The following JAKMIP3 variants were observed in gnomAD, a reference collection of about 807,000 sequenced individuals.
The protein encoded by JAKMIP3 is janus kinase and microtubule-interacting protein 3.
Under a neutral mutation model 118.5 loss-of-function variants are expected in JAKMIP3, and 58 were observed. The ratio of observed to expected loss-of-function variants is 0.49; its 90% CI spans 0.40 to 0.61. The LOEUF is 0.61. JAKMIP3 is among the 20% of genes least tolerant of loss of function. JAKMIP3 has a pLI of 0.00. For synonymous variants in JAKMIP3, 486 were observed against 451.2 expected, an observed-to-expected ratio of 1.08 and a Z score of -0.98; for missense variants, 950 against 1,109.0, an observed-to-expected ratio of 0.86 and a Z score of 2.04.
intron 19 of JAKMIP3, among the ~76,000 whole-genome samples, chr10:132,160,191 C>T (rs1366779512): frequency 4.5e-3 from 107 of 23,526 alleles, no homozygotes; most frequent in Non-Finnish European, 6.8e-3. Context: ...GCTGGGTGGG[C>T]CTCTCCCTGT....
At chr10:132,122,310 G>C (rs971905078) in intron 3 of JAKMIP3, among the ~76,000 whole-genome samples, 4 of 151,136 alleles carry the variant, frequency 2.6e-5, no homozygotes, top group Admixed American at 1.3e-4. Context: ...TCGGCTCCCC[G>C]GCTGTCGGGG....
rs1047751520 is a variant in JAKMIP3 at position 132,176,177 on chromosome 10, G to A, written c.*1104-6180G>A. Among the ~76,000 whole-genome samples, 15 of 152,228 alleles carry A rather than the reference G, an allele frequency of 9.9e-5. No individual in the cohort carries two copies. The South Asian group carries it at 1.4e-3, about 15-fold the overall frequency. On this transcript the variant is annotated intron_variant, in intron 23 of 23. Coordinates refer to ENST00000684848, the MANE Select transcript of JAKMIP3 (RefSeq NM_001323087.2). ...AGCTTCATCAGCCAGGGCTCCAGCCGCAAGAGGGAACGGGGAGGGACTCTG... is the reference window on the plus strand; with the variant it reads ...AGCTTCATCAGCCAGGGCTCCAGCCACAAGAGGGAACGGGGAGGGACTCTG...
chr10:132,106,115 G>A (rs1159566858), intron 2 of JAKMIP3, among the ~76,000 whole-genome samples: 1 of 152,122 alleles, frequency 6.6e-6, no homozygotes, highest in Non-Finnish European at 1.5e-5. Context: ...TGGGAGGATA[G>A]CTTGAGCCCA....
Position 132,179,375 on chromosome 10 carries a change from C to T in JAKMIP3, c.*1104-2982C>T, listed in dbSNP as rs1014754463. Among the ~76,000 whole-genome samples the T allele has an allele frequency of 3.3e-5, 5 of 152,194 alleles. No homozygotes were observed. Among genetic ancestry groups the T allele is most frequent in the Non-Finnish European group, 2.9e-5 (2 of 68,030 alleles). ...TATGCCTGAGCTCCCCACATCCTAC[C>T]TCTCTCCTGTCACTCGAAGCTCAGC... is the stretch of plus-strand genomic sequence containing the variant. On this transcript the variant is annotated intron_variant, in intron 23 of 23. Transcript: ENST00000684848. The surrounding 1 kb of genome is among the most constrained non-coding windows in gnomAD (Gnocchi z 4.3).
chr10:132,078,737 T>C (rs77459995), intron 1 of JAKMIP3, among the ~76,000 whole-genome samples: 23,508 of 152,148 alleles, frequency 0.15, 2,136 homozygotes, highest in East Asian at 0.33. Flanking sequence ...GACTAGAGAA[T>C]TGTTTTTCTG....
intron 1 of JAKMIP3, among the ~76,000 whole-genome samples, chr10:132,038,299 C>T (rs552407475): frequency 2.6e-5 from 4 of 152,308 alleles, no homozygotes; most frequent in African/African-American, 9.6e-5. Context: ...GTTTCTCACA[C>T]TCCAGGTGCC....
Position 132,138,324 on chromosome 10 carries a change from G to A in JAKMIP3, c.1344+146G>A, listed in dbSNP as rs188575993. 3.2e-3 allele frequency: 2,158 copies of A among 665,300 alleles called. 50 individuals carry two copies. The highest frequency in any genetic ancestry group is 9.0e-4 in the Non-Finnish European group (355 of 394,514). 41.2% of individuals were successfully genotyped at this position (665,300 alleles called of 1,614,324 possible). ...GCGCTGGGTGTGTGTGCCGAGGACC[G>A]CGCCCACGTGTGTGGAGAGTATGCC... On this transcript the variant is annotated intron_variant, in intron 9 of 23. Transcript: ENST00000684848.
chr10:132,164,457 T>A (rs2058691391), intron 20 of JAKMIP3, among the ~76,000 whole-genome samples: 1 of 152,200 alleles, frequency 6.6e-6, no homozygotes, highest in South Asian at 2.1e-4. Flanking sequence ...AGGATATTGT[T>A]CCCACCACGG....
chr10:132,061,419 C>T (rs934759568), upstream of JAKMIP3, among the ~76,000 whole-genome samples: 9 of 152,224 alleles, frequency 5.9e-5, no homozygotes, highest in Non-Finnish European at 7.3e-5. Context: ...AACTAGCCTA[C>T]GTTCACAGGC....
intron 2 of JAKMIP3, among the ~76,000 whole-genome samples, chr10:132,109,147 TAC>T (rs988763342): frequency 1.5e-5 from 2 of 131,718 alleles, no homozygotes; most frequent in African/African-American, 3.0e-5. Flanking sequence ...TATATATATA[TAC>T]ACACACATAT....
At chr10:132,065,230 G>A (rs947985076), upstream of JAKMIP3, among the ~76,000 whole-genome samples, 1 of 152,056 alleles carries the variant, frequency 6.6e-6, no homozygotes, top group African/African-American at 2.4e-5. This position sits in a 1 kb window ranked among gnomAD's most constrained non-coding sequence, Gnocchi z 5.6. Flanking sequence ...TCTACAGAGC[G>A]GCTGTCACAC....
chr10:132,117,340 C>G lies in JAKMIP3; in HGVS notation c.399C>G (p.Thr133=), dbSNP rs200538281. 7.1e-5 allele frequency: 114 copies of G among 1,613,962 alleles called. No individual in the cohort carries two copies. The East Asian group carries it at 2.4e-3, about 34-fold the overall frequency. Residue 133 remains threonine (T), a synonymous_variant, in exon 3 of 24, where the codon ACC becomes ACG. Transcript: ENST00000684848. The surrounding 1 kb of genome is among the most constrained non-coding windows in gnomAD (Gnocchi z 8.6). ...LRDGGPEKVK[T]VLLSEAKEEA... is the part of the protein sequence containing the mutation. The stretch of plus-strand genomic sequence containing the variant: ...ATGGCGGCCCCGAAAAGGTCAAGAC[C>G]GTGCTGCTGTCCGAGGCCAAGGAGG...
intron 1 of JAKMIP3, among the ~76,000 whole-genome samples, chr10:132,051,732 G>A (rs1423958163): frequency 6.6e-6 from 1 of 152,030 alleles, no homozygotes; most frequent in Non-Finnish European, 1.5e-5. Context: ...AGCCTCCTGA[G>A]TAGTAGGAGA....
At chr10:132,097,982 TC>T in intron 1 of JAKMIP3, among the ~76,000 whole-genome samples, 2 of 79,628 alleles carry the variant, frequency 2.5e-5, no homozygotes, top group African/African-American at 3.9e-5. Flanking sequence ...TTTCTCCCCT[TC>T]CCCTTCCCCT....
At chr10:132,062,931 CTG>C (rs1454737665), upstream of JAKMIP3, among the ~76,000 whole-genome samples, 1 of 152,118 alleles carries the variant, frequency 6.6e-6, no homozygotes, top group Non-Finnish European at 1.5e-5. Context: ...TGGTGAATGG[CTG>C]TGTCAGGACC....
intron 1 of JAKMIP3, among the ~76,000 whole-genome samples, chr10:132,099,163 G>C (rs1295229238): frequency 1.3e-5 from 2 of 152,106 alleles, no homozygotes. Context: ...CAAATCCAGA[G>C]GCTCAACACT....
intron 1 of JAKMIP3, among the ~76,000 whole-genome samples, chr10:132,071,663 A>G (rs1203690532): frequency 6.6e-6 from 1 of 152,142 alleles, no homozygotes; most frequent in African/African-American, 2.4e-5. Context: ...TGTCTTCTCA[A>G]TGTATTGACT....
intron 19 of JAKMIP3, among the ~76,000 whole-genome samples, chr10:132,162,500 G>T (rs900795016): frequency 6.6e-6 from 1 of 152,234 alleles, no homozygotes; most frequent in Non-Finnish European, 1.5e-5. Context: ...GTTGATGTGC[G>T]AGCTGGTTGT....
At position 132,145,787 on chromosome 10, in the gene JAKMIP3, C is replaced by T. The variant is rs531336282; in HGVS notation, c.1749+207C>T. On this transcript the variant is annotated intron_variant, in intron 13 of 23. Transcript: ENST00000684848. ...TGGACAGAGGGAGCTGGGGCCTGTT[C>T]TCCTGGGTCCTGTTCTCCTGGGTCC... Among the ~76,000 whole-genome samples the T allele has an allele frequency of 3.3e-5, 5 of 152,260 alleles. No homozygotes were observed. The South Asian group carries it at 1.0e-3, about 32-fold the overall frequency.
Sources: allele counts gnomAD v4.1 joint callset (sites outside exome capture counted in the v4.1 genomes callset), GRCh38; gene constraint gnomAD v4.1.1; non-coding constraint Gnocchi (gnomAD v3.1); transcripts MANE v1.5; gene names NCBI Gene and HGNC (gene_info 2026-07-23, HGNC 2026-07-21).